The following GNL3L variants were observed in gnomAD, a reference collection of about 807,000 sequenced individuals.
GNL3L encodes the protein guanine nucleotide-binding protein-like 3-like protein.
Under a neutral mutation model 42.9 loss-of-function variants are expected in GNL3L, and 4 were observed. The ratio of observed to expected loss-of-function variants is 0.09; its 90% CI spans 0.05 to 0.21. GNL3L has a LOEUF of 0.21. GNL3L is among the 10% of genes least tolerant of loss of function. The pLI is 1.00. For synonymous variants in GNL3L, 159 were observed against 176.3 expected, an observed-to-expected ratio of 0.90 and a Z score of 0.78; for missense variants, 412 against 481.7, an observed-to-expected ratio of 0.86 and a Z score of 1.36.
chrX:54,613,420 A>G, intron 16 of GNL3L, among the ~76,000 whole-genome samples: 1 of 111,063 alleles, frequency 9.0e-6, no homozygotes, highest in Non-Finnish European at 1.9e-5. Context: ...TAACCTCCTG[A>G]ACTCTTTTTC....
chrX:54,600,260 C>G (rs1161695954), intron 16 of GNL3L, among the ~76,000 whole-genome samples: 1 of 73,376 alleles, frequency 1.4e-5, no homozygotes, highest in Non-Finnish European at 2.5e-5. Context: ...GAGTTTTGCC[C>G]TTGTTGCCCA....
rs1925371159 is a variant in GNL3L at position 54,564,639 on chromosome X, C to G, written c.*4037C>G. ...GCCAGGCTGGTCTCGAACTCCTGAC[C>G]TCATGATCCTCCTGCCTCAGCCTCC... On this transcript the variant is annotated 3_prime_UTR_variant, in exon 16 of 16. Coordinates refer to ENST00000360845, the MANE Select transcript of GNL3L (RefSeq NM_001184819.2). Among the ~76,000 whole-genome samples the G allele has an allele frequency of 9.3e-6, 1 of 107,842 alleles. No individual in the cohort carries two copies. The highest frequency in any genetic ancestry group is 3.4e-5 in the African/African-American group (1 of 29,532). The allele number at this position is 107,842 out of a possible 115,157, so 93.6% of individuals were successfully genotyped here.
At chrX:54,534,071 G>A (rs1342220211) in intron 2 of GNL3L, among the ~76,000 whole-genome samples, 1 of 107,723 alleles carries the variant, frequency 9.3e-6, no homozygotes, top group Non-Finnish European at 1.9e-5. Context: ...ATAGAGATGA[G>A]GGTCTTTCTA....
chrX:54,606,641 AATT>A (rs1926064580), intron 16 of GNL3L, among the ~76,000 whole-genome samples: 1 of 99,664 alleles, frequency 1.0e-5, no homozygotes, highest in African/African-American at 4.0e-5. Context: ...ATGCCAGGCC[AATT>A]TTTTTTTTTT....
chrX:54,607,072 C>CTCT (rs1444903938), intron 16 of GNL3L, among the ~76,000 whole-genome samples: 5 of 22,831 alleles, frequency 2.2e-4, no homozygotes, highest in African/African-American at 6.3e-4. Context: ...TTCTTTCTTT[C>CTCT]TCTTTCTTTC....
At chrX:54,626,144 C>T (rs193093430), downstream of GNL3L, among the ~76,000 whole-genome samples, 9 of 111,373 alleles carry the variant, frequency 8.1e-5, no homozygotes, top group Admixed American at 6.7e-4. Flanking sequence ...TCATATCTAG[C>T]TGTAATTTCG....
chrX:54,543,733 G>A (rs1276943717), intron 7 of GNL3L, among the ~76,000 whole-genome samples: 1 of 111,739 alleles, frequency 8.9e-6, no homozygotes, highest in Non-Finnish European at 1.9e-5. Context: ...ACCTCCAAGA[G>A]CTCCTGTTTC....
chrX:54,610,142 T>C (rs182192231), intron 16 of GNL3L, among the ~76,000 whole-genome samples: 1 of 111,867 alleles, frequency 8.9e-6, no homozygotes, highest in East Asian at 2.8e-4. Context: ...CTTGATTTGA[T>C]TCTCTGCTTG....
rs1306594724 is a variant in GNL3L at position 54,563,987 on chromosome X, G to T, written c.*3385G>T. ...TGAGTTTGTACAAACATATACAGGA[G>T]TGAACCACTACCACAATCGAAATAT... On this transcript the variant is annotated 3_prime_UTR_variant, in exon 16 of 16. Coordinates refer to ENST00000360845, the MANE Select transcript of GNL3L (RefSeq NM_001184819.2). Among the ~76,000 whole-genome samples the T allele has an allele frequency of 9.0e-6, 1 of 110,743 alleles. No homozygotes were observed. The highest frequency in any genetic ancestry group is 3.3e-5 in the African/African-American group (1 of 30,404).
At chrX:54,557,139 A>G (rs1359814320) in intron 14 of GNL3L, among the ~76,000 whole-genome samples, 6 of 108,814 alleles carry the variant, frequency 5.5e-5, no homozygotes, top group Non-Finnish European at 1.2e-4. Flanking sequence ...CCAAGATCAT[A>G]CCACTGCACT....
the GNL3L span, among the ~76,000 whole-genome samples, chrX:54,638,534 A>G: frequency 3.6e-5 from 4 of 110,976 alleles, no homozygotes; most frequent in Non-Finnish European, 7.6e-5. Context: ...CAGTGGCGCA[A>G]TCTCCGGCCC....
In GNL3L at chrX:54,551,880, C is replaced by T; in HGVS notation, c.1087C>T (p.Leu363=). 2.5e-6 allele frequency: 3 copies of T among 1,210,873 alleles called. No individual in the cohort carries two copies. Among genetic ancestry groups the T allele is most frequent in the Non-Finnish European group, 3.4e-6 (3 of 894,384 alleles). The change falls in exon 12 of 16, where the codon CTG becomes TTG. Residue 363 remains leucine, a synonymous_variant. Transcript: ENST00000360845. ...TGGGTTCCAGACCACTGAGCACTTTCTGACGGCAGTGGCCCACCGTTTGGG... is the reference window on the plus strand; with the variant it reads ...TGGGTTCCAGACCACTGAGCACTTTTTGACGGCAGTGGCCCACCGTTTGGG... The part of the protein sequence containing the change: ...VSGFQTTEHF[L]TAVAHRLGKK...
At chrX:54,625,547 T>G (rs1468115664), downstream of GNL3L, among the ~76,000 whole-genome samples, 1 of 111,205 alleles carries the variant, frequency 9.0e-6, no homozygotes, top group Non-Finnish European at 1.9e-5. Context: ...GTCCTTTTAA[T>G]ATGATGTTGG....
chrX:54,645,377 C>G, the GNL3L span, among the ~76,000 whole-genome samples: 1 of 111,602 alleles, frequency 9.0e-6, no homozygotes, highest in African/African-American at 3.2e-5. Flanking sequence ...AAGAAAGTAT[C>G]CATTCCTAGA....
rs753693642 is a variant in GNL3L at position 54,550,121 on chromosome X, GAAAC to G, written c.776-838_776-835del. Reference sequence around the variant, plus strand: ...GTGCTTAGATACAGAGACACAGAGAGAAACAAAGATAAGATAGAGAAAGAGACTG... The same window carrying G: ...GTGCTTAGATACAGAGACACAGAGAGAAAGATAAGATAGAGAAAGAGACTG... On this transcript the variant is annotated intron_variant, in intron 9 of 15. Transcript: ENST00000360845. 1.0e-4 allele frequency among the ~76,000 whole-genome samples: 11 copies of G among 109,398 alleles called. No homozygotes were observed. In the South Asian group the frequency reaches 4.4e-3, roughly 44 times the overall value. The allele number at this position is 109,398 out of a possible 115,157, so 95.0% of individuals were successfully genotyped here.
chrX:54,645,561 A>G, the GNL3L span, among the ~76,000 whole-genome samples: 2 of 111,988 alleles, frequency 1.8e-5, no homozygotes, highest in Non-Finnish European at 3.8e-5. Context: ...TACTTCTTCA[A>G]TTTACTGCTG....
intron 16 of GNL3L, among the ~76,000 whole-genome samples, chrX:54,611,395 G>C (rs780534376): frequency 9.0e-6 from 1 of 111,251 alleles, no homozygotes; most frequent in African/African-American, 3.3e-5. Flanking sequence ...GTTGGGTTTG[G>C]GTTTGGCTTA....
intron 16 of GNL3L, among the ~76,000 whole-genome samples, chrX:54,598,427 G>A (rs1160806833): frequency 9.0e-6 from 1 of 111,142 alleles, no homozygotes. Flanking sequence ...TATACTAAAG[G>A]TATTTTACTT....
At chrX:54,531,108 A>C (rs1924231201) in intron 1 of GNL3L, among the ~76,000 whole-genome samples, 1 of 111,418 alleles carries the variant, frequency 9.0e-6, no homozygotes, top group Non-Finnish European at 1.9e-5. Context: ...TTTTCGAAGC[A>C]CCCAACATGC....
Sources: gnomAD v4.1 joint callset for allele counts (sites outside exome capture counted in the v4.1 genomes callset) on GRCh38, gnomAD v4.1.1 for gene constraint, MANE v1.5 for transcripts, NCBI Gene and HGNC (gene_info 2026-07-23, HGNC 2026-07-21) for gene names.